Variants in NKAIN2 observed in about 807,000 individuals in gnomAD.
NKAIN2 encodes sodium/potassium-transporting ATPase subunit beta-1-interacting protein 2.
Under a neutral mutation model 32.6 loss-of-function variants are expected in NKAIN2, and 14 were observed. The observed-to-expected ratio is 0.43, with a 90% CI of 0.28 to 0.67. NKAIN2 has a LOEUF of 0.67. Ranked by LOEUF, NKAIN2 falls within the 30% of genes least tolerant of loss-of-function variation. The pLI is 0.17. For missense variants in NKAIN2, 198 were observed against 258.3 expected, an observed-to-expected ratio of 0.77 and a Z score of 1.60; for synonymous variants, 80 against 87.2, an observed-to-expected ratio of 0.92 and a Z score of 0.46.
At chr6:124,430,429 G>A (rs2114562229) in intron 3 of NKAIN2, among the ~76,000 whole-genome samples, 1 of 152,254 alleles carries the variant, frequency 6.6e-6, no homozygotes, top group South Asian at 2.1e-4. Context: ...GGTTCAGCTT[G>A]GGAGTTCTCA....
chr6:124,198,230 A>G (rs1790418102), intron 1 of NKAIN2, among the ~76,000 whole-genome samples: 1 of 151,904 alleles, frequency 6.6e-6, no homozygotes, highest in African/African-American at 2.4e-5. Context: ...AGCCATTCCT[A>G]TAGGTATGTG....
At chr6:123,806,105 A>G (rs1773203829) in intron 1 of NKAIN2, among the ~76,000 whole-genome samples, 1 of 152,140 alleles carries the variant, frequency 6.6e-6, no homozygotes, top group African/African-American at 2.4e-5. Context: ...GTATGTACAT[A>G]TGCTCTTGAG....
intron 1 of NKAIN2, among the ~76,000 whole-genome samples, chr6:123,931,094 C>T (rs961191457): frequency 1.3e-5 from 2 of 152,020 alleles, no homozygotes; most frequent in South Asian, 2.1e-4. Flanking sequence ...TGTAGAGGCT[C>T]TCATAGATGT....
chr6:124,714,743 C>T (rs1219590199), intron 4 of NKAIN2, among the ~76,000 whole-genome samples: 1 of 152,146 alleles, frequency 6.6e-6, no homozygotes, highest in African/African-American at 2.4e-5. Flanking sequence ...CAATTTCTGG[C>T]AGATTGGAAG....
intron 1 of NKAIN2, among the ~76,000 whole-genome samples, chr6:124,066,140 G>C (rs1783162712): frequency 1.3e-5 from 2 of 152,132 alleles, no homozygotes; most frequent in Admixed American, 6.6e-5. Flanking sequence ...ATATCCAGGA[G>C]AGACCTGGAG....
chr6:124,045,324 T>C (rs188130607), intron 1 of NKAIN2, among the ~76,000 whole-genome samples: 3 of 152,098 alleles, frequency 2.0e-5, no homozygotes, highest in African/African-American at 7.2e-5. Context: ...TGGAGCTGAA[T>C]AAATACTGGT....
At chr6:124,818,989 A>T (rs766032509) in intron 6 of NKAIN2, 2 of 166,702 alleles carry the variant, frequency 1.2e-5, no homozygotes, top group Non-Finnish European at 2.5e-5. Context: ...AGTGAAAATG[A>T]ACTGGAACAT....
At position 123,812,961 on chromosome 6, in the gene NKAIN2, T is replaced by C. The variant is rs9490942; in HGVS notation, c.54+8707T>C. On this transcript the variant is annotated intron_variant, in intron 1 of 6. Transcript: ENST00000368417. ...CAACAGAATAAGGAGATATTTCAAA[T>C]CCTTTAACTGACAGCTGTGTATCAA... Among the ~76,000 whole-genome samples the C allele has an allele frequency of 7.7e-3, 1,174 of 152,350 alleles. 25 individuals carry two copies. The highest frequency in any genetic ancestry group is 0.026 in the African/African-American group (1,085 of 41,582).
At chr6:123,845,138 G>A (rs1308668103) in intron 1 of NKAIN2, among the ~76,000 whole-genome samples, 1 of 152,194 alleles carries the variant, frequency 6.6e-6, no homozygotes, top group Non-Finnish European at 1.5e-5. Flanking sequence ...AGGTTTATAC[G>A]CTTGGAGTGA....
intron 3 of NKAIN2, among the ~76,000 whole-genome samples, chr6:124,397,015 G>A (rs1773410648): frequency 6.6e-6 from 1 of 151,988 alleles, no homozygotes; most frequent in Non-Finnish European, 1.5e-5. Flanking sequence ...ATCTGGAAAA[G>A]GAACAGTTAA....
intron 4 of NKAIN2, among the ~76,000 whole-genome samples, chr6:124,665,939 T>C (rs557818243): frequency 1.3e-3 from 176 of 130,640 alleles, no homozygotes; most frequent in African/African-American, 4.9e-3. Flanking sequence ...AAACTAAGTC[T>C]TCCAGATTCT....
intron 1 of NKAIN2, among the ~76,000 whole-genome samples, chr6:124,063,322 C>A (rs112337252): frequency 0.013 from 2,012 of 152,162 alleles, 31 homozygotes; most frequent in African/African-American, 0.039. Context: ...AAGTAGTAAT[C>A]AAAGTACTAT....
intron 3 of NKAIN2, among the ~76,000 whole-genome samples, chr6:124,409,734 T>A (rs1287889497): frequency 6.6e-6 from 1 of 152,216 alleles, no homozygotes; most frequent in African/African-American, 2.4e-5. Context: ...GATTCCCTCT[T>A]TTTCTATTGA....
chr6:124,074,783 CTGTTT>C (rs1783616129), intron 1 of NKAIN2, among the ~76,000 whole-genome samples: 1 of 152,140 alleles, frequency 6.6e-6, no homozygotes, highest in African/African-American at 2.4e-5. Flanking sequence ...ACTGGTGTTT[CTGTTT>C]TATGTTGCTT....
At chr6:124,098,603 A>G (rs974001901) in intron 1 of NKAIN2, among the ~76,000 whole-genome samples, 4 of 152,128 alleles carry the variant, frequency 2.6e-5, no homozygotes, top group South Asian at 2.1e-4. Context: ...GGGCATGGCA[A>G]CTCACACCTG....
intron 1 of NKAIN2, among the ~76,000 whole-genome samples, chr6:123,916,813 G>C (rs117400125): frequency 3.7e-4 from 21 of 56,314 alleles, no homozygotes; most frequent in Admixed American, 1.5e-3. Context: ...GTGTATCTAT[G>C]TATCTATCTA....
At chr6:124,497,533 CT>C (rs965407952) in intron 3 of NKAIN2, among the ~76,000 whole-genome samples, 37 of 151,858 alleles carry the variant, frequency 2.4e-4, no homozygotes, top group Middle Eastern at 3.4e-3. Context: ...ATGTCTGGCA[CT>C]TTTTTTTCCC....
intron 3 of NKAIN2, among the ~76,000 whole-genome samples, chr6:124,581,289 A>C (rs1048067512): frequency 6.6e-6 from 1 of 151,712 alleles, no homozygotes; most frequent in South Asian, 2.1e-4. Context: ...AATACAAAAA[A>C]TTAGCCAGGC....
At chr6:124,244,385 C>T (rs1477177960) in intron 1 of NKAIN2, among the ~76,000 whole-genome samples, 1 of 151,602 alleles carries the variant, frequency 6.6e-6, no homozygotes. Flanking sequence ...ATGATGATTT[C>T]CAGTTTCATC....
Sources: gnomAD v4.1 joint callset for allele counts (sites outside exome capture counted in the v4.1 genomes callset) on GRCh38, gnomAD v4.1.1 for gene constraint, MANE v1.5 for transcripts, NCBI Gene and HGNC (gene_info 2026-07-23, HGNC 2026-07-21) for gene names.